Variants in DOCK2 observed in about 807,000 individuals in gnomAD.
DOCK2 encodes the protein dedicator of cytokinesis protein 2.
A neutral mutation model predicts 248.9 loss-of-function variants in DOCK2; 87 were observed. The ratio of observed to expected loss-of-function variants is 0.35; its 90% CI spans 0.29 to 0.42. The LOEUF (loss-of-function observed/expected upper bound fraction) is 0.42. Among genes scored for constraint, DOCK2 ranks in the 10% least tolerant of loss-of-function variants. The pLI, the probability that DOCK2 is intolerant of heterozygous loss-of-function variation, is 1.00. For missense variants in DOCK2, 1,747 were observed against 2,300.2 expected (o/e 0.76, Z 4.92); for synonymous variants, 805 against 821.6 (o/e 0.98, Z 0.35).
intron 26 of DOCK2, among the ~76,000 whole-genome samples, chr5:169,820,554 G>A (rs938971788): frequency 6.8e-6 from 1 of 146,790 alleles, no homozygotes; most frequent in Non-Finnish European, 1.5e-5. Flanking sequence ...CTGCAGCTGA[G>A]GGTCCTGACT....
At chr5:170,041,224 A>T (rs1335376495) in intron 37 of DOCK2, 79 bp downstream of exon 37, 1 of 1,301,270 alleles carries the variant, frequency 7.7e-7, no homozygotes, top group Non-Finnish European at 1.1e-6. Context: ...TGAAAAAAGA[A>T]AAAAAAGAAA....
At position 169,723,893 on chromosome 5, in the gene DOCK2, T is replaced by A. The variant is rs890885011; in HGVS notation, c.2267+5102T>A. Among the ~76,000 whole-genome samples, 14 of 152,164 alleles carry A rather than the reference T, an allele frequency of 9.2e-5. No individual in the cohort carries two copies. The South Asian group carries it at 2.9e-3, about 31-fold the overall frequency. Reference sequence around the variant, plus strand: ...CATCAGTACAGGAACCTTTGACTGTTTTGTACTCTGTGGTACACTAAAGCA... The same window carrying A: ...CATCAGTACAGGAACCTTTGACTGTATTGTACTCTGTGGTACACTAAAGCA... On this transcript the variant is annotated intron_variant, in intron 22 of 51. Transcript: ENST00000520908.
chr5:170,003,092 A>G (rs79817769), intron 30 of DOCK2, among the ~76,000 whole-genome samples: 10,172 of 152,340 alleles, frequency 0.067, 513 homozygotes, highest in Non-Finnish European at 0.095. Context: ...GGAGCTTACA[A>G]TTGGAGAAGA....
intron 25 of DOCK2, among the ~76,000 whole-genome samples, chr5:169,783,813 A>G (rs1237193344): frequency 6.6e-6 from 1 of 152,260 alleles, no homozygotes; most frequent in Non-Finnish European, 1.5e-5. Context: ...AAACCTGCTT[A>G]AATGTGCCAG....
intron 23 of DOCK2, 99 bp downstream of exon 23, chr5:169,747,603 G>T: frequency 9.2e-7 from 1 of 1,090,430 alleles, no homozygotes; most frequent in Non-Finnish European, 1.3e-6. Flanking sequence ...ATGCAAACTT[G>T]TATCCAGTGA....
intron 26 of DOCK2, among the ~76,000 whole-genome samples, chr5:169,819,804 C>T (rs765614726): frequency 2.0e-5 from 3 of 152,174 alleles, no homozygotes; most frequent in East Asian, 1.9e-4. Flanking sequence ...ACCGAGCGTG[C>T]GCTGAGGCGG....
In DOCK2 at chr5:169,758,363, G is replaced by A. The variant is rs546469736; in HGVS notation, c.2377-1342G>A. ...CAGTGGTCCTCCCCTCTCTGGGGAG[G>A]AGAGATTGGGACCCAGAGGAGGATG... On this transcript the variant is annotated intron_variant, in intron 23 of 51. Coordinates refer to ENST00000520908, the MANE Select transcript of DOCK2 (RefSeq NM_004946.3). 4.6e-5 allele frequency among the ~76,000 whole-genome samples: 7 copies of A among 152,290 alleles called. No individual in the cohort carries two copies. In the South Asian group the frequency reaches 1.5e-3, roughly 32 times the overall value.
intron 22 of DOCK2, among the ~76,000 whole-genome samples, chr5:169,747,045 T>C (rs1763651182): frequency 6.6e-6 from 1 of 152,196 alleles, no homozygotes; most frequent in Admixed American, 6.5e-5. Flanking sequence ...CCAAGTTACT[T>C]TGAAAATCTG....
chr5:169,981,656 C>T (rs1264533709), intron 27 of DOCK2, among the ~76,000 whole-genome samples: 1 of 152,136 alleles, frequency 6.6e-6, no homozygotes, highest in Admixed American at 6.5e-5. Context: ...CACAGCCACT[C>T]TAGTCTTCAG....
At chr5:169,904,973 C>T (rs565218497) in intron 27 of DOCK2, among the ~76,000 whole-genome samples, 35 of 152,240 alleles carry the variant, frequency 2.3e-4, no homozygotes, top group Non-Finnish European at 4.0e-4. Flanking sequence ...GCTGTGTGAC[C>T]TTGACTAAGC....
intron 46 of DOCK2, among the ~76,000 whole-genome samples, chr5:170,074,713 C>T (rs1419783732): frequency 6.6e-6 from 1 of 152,208 alleles, no homozygotes; most frequent in African/African-American, 2.4e-5. Flanking sequence ...CCCAGAGCTC[C>T]TTGTTCTAAT....
rs1000681248 is a variant in DOCK2 at position 169,763,872 on chromosome 5, C to T, written c.2554+2247C>T. On this transcript the variant is annotated intron_variant, in intron 25 of 51. Coordinates refer to ENST00000520908, the MANE Select transcript of DOCK2 (RefSeq NM_004946.3). The surrounding 1 kb of genome is among the most constrained non-coding windows in gnomAD (Gnocchi z 4.1). ...CCACGCTCGGCTCACATGTGAAAGT[C>T]GTATGACCTTATTCACAGCTGAAAG... Among the ~76,000 whole-genome samples the T allele has an allele frequency of 6.6e-6, 1 of 152,196 alleles. No individual in the cohort carries two copies. Among genetic ancestry groups the T allele is most frequent in the Admixed American group, 6.5e-5 (1 of 15,290 alleles).
chr5:169,776,645 A>G (rs1313985566), intron 25 of DOCK2, among the ~76,000 whole-genome samples: 1 of 152,212 alleles, frequency 6.6e-6, no homozygotes, highest in Non-Finnish European at 1.5e-5. Context: ...CTGACCTTGA[A>G]TTATAATAAC....
chr5:169,938,961 T>G lies in DOCK2; in HGVS notation c.2800-44107T>G, dbSNP rs543994104. ...CTCTGTCGCCCAGGCTGGAGTACAG[T>G]GGCGTGATCTCGGCTCACTGCAAGC... On this transcript the variant is annotated intron_variant, in intron 27 of 51. Coordinates refer to ENST00000520908, the MANE Select transcript of DOCK2 (RefSeq NM_004946.3). 1.5e-3 allele frequency among the ~76,000 whole-genome samples: 232 copies of G among 150,504 alleles called. 4 individuals carry two copies. In the South Asian group the frequency reaches 0.042, roughly 27 times the overall value.
intron 23 of DOCK2, among the ~76,000 whole-genome samples, chr5:169,749,658 G>T (rs1279885491): frequency 1.3e-5 from 2 of 152,124 alleles, no homozygotes; most frequent in Non-Finnish European, 2.9e-5. Context: ...ATCTGTTCCT[G>T]CCTGGCTCTA....
At chr5:170,063,294 A>G (rs1259638734) in intron 44 of DOCK2, among the ~76,000 whole-genome samples, 1 of 152,156 alleles carries the variant, frequency 6.6e-6, no homozygotes, top group African/African-American at 2.4e-5. Context: ...ATCTATTTCT[A>G]AAAGGACTCC....
rs191632748 is a variant in DOCK2 at position 170,016,967 on chromosome 5, C to T, written c.3233-1993C>T. ...CTGAGGCTTAAGTGTAATCCAAATG[C>T]ATCATATAATGAAGCTTATATCCTG... On this transcript the variant is annotated intron_variant, in intron 32 of 51. Transcript: ENST00000520908. Among the ~76,000 whole-genome samples the T allele has an allele frequency of 5.1e-4, 77 of 152,296 alleles. No homozygotes were observed. The East Asian group carries it at 9.5e-3, about 19-fold the overall frequency.
In DOCK2 at chr5:170,047,563, A is replaced by G; in HGVS notation, c.4020A>G (p.Pro1340=). 6.2e-7 allele frequency: 1 copy of G among 1,613,954 alleles called. No individual in the cohort carries two copies. The highest frequency in any genetic ancestry group is 8.5e-7 in the Non-Finnish European group (1 of 1,179,914). ...ESIMKILRPK[P]DYFAVGYYGQ... is the part of the protein sequence containing the mutation. ...TCATGAAAATCCTCAGGCCCAAACC[A>G]GACTACTTTGCTGTTGGATACTACG... Residue 1340 remains proline (P), a synonymous_variant, in exon 40 of 52, where the codon CCA becomes CCG. Transcript: ENST00000520908.
chr5:169,958,615 G>A (rs1394980085), intron 27 of DOCK2, among the ~76,000 whole-genome samples: 2 of 151,810 alleles, frequency 1.3e-5, no homozygotes, highest in African/African-American at 4.8e-5. Context: ...TACAAAATGT[G>A]GTTTAAATAT....
Sources: allele counts gnomAD v4.1 joint callset (sites outside exome capture counted in the v4.1 genomes callset), GRCh38; gene constraint gnomAD v4.1.1; non-coding constraint Gnocchi (gnomAD v3.1); transcripts MANE v1.5; gene names NCBI Gene and HGNC (gene_info 2026-07-23, HGNC 2026-07-21).